Variants in PCM1 observed in about 807,000 individuals in gnomAD.
PCM1 encodes the protein pericentriolar material 1, also known as pericentriolar material 1 protein.
In PCM1, 157 loss-of-function variants were observed where a neutral mutation model predicts 241.9. The observed-to-expected ratio is 0.65, with a 90% CI of 0.57 to 0.74. The LOEUF (loss-of-function observed/expected upper bound fraction) is 0.74. Ranked by LOEUF, PCM1 falls within the 30% of genes least tolerant of loss-of-function variation. PCM1 has a pLI of 0.00. For synonymous variants in PCM1, 1,085 were observed against 784.9 expected (o/e 1.38, Z -6.39); for missense variants, 3,478 against 2,360.1 (o/e 1.47, Z -9.81).
At chr8:17,923,762 C>G (rs2055610763) in intron 1 of PCM1, among the ~76,000 whole-genome samples, 1 of 152,006 alleles carries the variant, frequency 6.6e-6, no homozygotes, top group Non-Finnish European at 1.5e-5. Context: ...CCGGGGGAGG[C>G]GTTCCTGGGA....
intron 10 of PCM1, 26 bp from the exon 11 acceptor site, chr8:17,956,578 G>A (rs2285306): frequency 2.8e-5 from 41 of 1,449,832 alleles, no homozygotes; most frequent in Non-Finnish European, 3.6e-5. Flanking sequence ...GGTGTAAATC[G>A]TATACATAAA....
intron 17 of PCM1, among the ~76,000 whole-genome samples, chr8:17,963,785 T>A (rs1279599838): frequency 1.3e-5 from 2 of 152,334 alleles, no homozygotes; most frequent in South Asian, 2.1e-4. Context: ...CAGTGAATTA[T>A]TTAGCTATAT....
intron 38 of PCM1, among the ~76,000 whole-genome samples, chr8:18,027,162 G>A (rs769250759): frequency 2.6e-5 from 4 of 152,180 alleles, no homozygotes; most frequent in Admixed American, 6.5e-5. Flanking sequence ...AGACCCTTCA[G>A]ATATCAGACC....
At chr8:18,015,583 A>C (rs1280121194) in intron 36 of PCM1, 4 of 152,178 alleles carry the variant, frequency 2.6e-5, no homozygotes, top group Non-Finnish European at 4.4e-5. Flanking sequence ...ACATTTTCCA[A>C]ATAAATACTT....
At chr8:17,981,910 A>G (rs1384478042) in intron 24 of PCM1, among the ~76,000 whole-genome samples, 1 of 152,154 alleles carries the variant, frequency 6.6e-6, no homozygotes, top group East Asian at 1.9e-4. Context: ...AAGGGGAAAA[A>G]AAAAAAAGAC....
chr8:17,951,389 A>AGTAAATTTCTTCTG (rs2065952565), intron 8 of PCM1, among the ~76,000 whole-genome samples: 2 of 152,230 alleles, frequency 1.3e-5, no homozygotes. Context: ...AGCAGTACCT[A>AGTAAATTTCTTCTG]GTAAATTTCT....
At chr8:17,973,044 G>T (rs1388379785) in intron 23 of PCM1, among the ~76,000 whole-genome samples, 1 of 151,976 alleles carries the variant, frequency 6.6e-6, no homozygotes, top group Non-Finnish European at 1.5e-5. Flanking sequence ...CTTTTAGATG[G>T]ATTCTTGATT....
chr8:17,967,179 C>CT lies in PCM1; in HGVS notation c.3412+11dup. ...TTCATCATTTGCACCAGGTAGGTGA[C>CT]TTAACCTAAAGAGAAAATAAATAAA... On this transcript the variant is annotated intron_variant, in intron 21 of 38. Transcript: ENST00000325083. The CT allele has an allele frequency of 6.4e-7, 1 of 1,561,520 alleles. No homozygotes were observed.
At chr8:17,923,450 G>GC (rs2055384040) in intron 1 of PCM1, among the ~76,000 whole-genome samples, 1 of 152,188 alleles carries the variant, frequency 6.6e-6, no homozygotes, top group Non-Finnish European at 1.5e-5. Flanking sequence ...TTGCCTCCTC[G>GC]CCCCTCCTGC....
intron 2 of PCM1, chr8:17,925,476 A>G (rs988220333): frequency 1.3e-5 from 2 of 152,230 alleles, no homozygotes; most frequent in Non-Finnish European, 2.9e-5. Context: ...TCAGAAAAAA[A>G]CCTCAGAAAT....
At chr8:17,960,468 T>G (rs765513453) in intron 15 of PCM1, 24 bp downstream of exon 15, 2 of 1,564,692 alleles carry the variant, frequency 1.3e-6, no homozygotes, top group Non-Finnish European at 1.7e-6. Flanking sequence ...TTATTTCTAA[T>G]TGTCTGAAAA....
intron 6 of PCM1, among the ~76,000 whole-genome samples, chr8:17,945,759 C>G (rs1193733981): frequency 6.6e-6 from 1 of 152,078 alleles, no homozygotes; most frequent in Admixed American, 6.6e-5. Context: ...CTCTGGGAAT[C>G]AAATGTACAT....
chr8:17,994,748 TG>T, intron 29 of PCM1, among the ~76,000 whole-genome samples: 1 of 151,806 alleles, frequency 6.6e-6, no homozygotes, highest in African/African-American at 2.4e-5. Flanking sequence ...AGAGGTGAGA[TG>T]ATTTCTCGTT....
chr8:18,023,822 G>A (rs956837288), intron 36 of PCM1, among the ~76,000 whole-genome samples: 4 of 152,196 alleles, frequency 2.6e-5, no homozygotes, highest in African/African-American at 7.2e-5. Flanking sequence ...CATCAGGGAA[G>A]CTAACACTGT....
intron 36 of PCM1, among the ~76,000 whole-genome samples, chr8:18,023,517 A>G (rs1322866188): frequency 6.6e-6 from 1 of 152,216 alleles, no homozygotes; most frequent in Non-Finnish European, 1.5e-5. Flanking sequence ...GAACTCCAGT[A>G]GAAGTTTAGC....
Position 18,025,580 on chromosome 8 carries a change from A to G in PCM1, c.5971A>G (p.Lys1991Glu). Residue 1991 changes from lysine (K) to glutamate (E), a missense_variant, in exon 38 of 39, where the codon AAA becomes GAA. Physicochemically the swap from Lys to Glu is moderately conservative, Grantham distance 56. Transcript: ENST00000325083. ...LRKKMVEEEQ[K>E]NHLSGEICEM... Reference sequence around the variant, plus strand: ...AAAGAAAATGGTAGAAGAAGAACAGAAAAACCATTTATCTGGTGAAATATG... The same window carrying G: ...AAAGAAAATGGTAGAAGAAGAACAGGAAAACCATTTATCTGGTGAAATATG... 6.3e-7 allele frequency: 1 copy of G among 1,585,296 alleles called. No individual in the cohort carries two copies. Among genetic ancestry groups the G allele is most frequent in the Admixed American group, 1.8e-5 (1 of 55,324 alleles).
intron 6 of PCM1, chr8:17,940,277 C>G: frequency 1.7e-6 from 1 of 584,032 alleles, no homozygotes; most frequent in Non-Finnish European, 3.0e-6. Flanking sequence ...GGGAAGAACC[C>G]CTCAAATTGT....
intron 36 of PCM1, among the ~76,000 whole-genome samples, chr8:18,022,781 G>A (rs2129488326): frequency 6.6e-6 from 1 of 152,268 alleles, no homozygotes; most frequent in African/African-American, 2.4e-5. Flanking sequence ...TTTAAAATCA[G>A]AACTTCACCA....
intron 29 of PCM1, among the ~76,000 whole-genome samples, chr8:17,995,451 G>A (rs950093209): frequency 3.3e-5 from 5 of 151,380 alleles, no homozygotes; most frequent in Admixed American, 6.6e-5. Flanking sequence ...CCAGTACCAC[G>A]CTGTTTTGGT....
Sources: allele counts gnomAD v4.1 joint callset (sites outside exome capture counted in the v4.1 genomes callset), GRCh38; gene constraint gnomAD v4.1.1; transcripts MANE v1.5; gene names NCBI Gene and HGNC (gene_info 2026-07-23, HGNC 2026-07-21).